The following SLC12A9 variants were observed in gnomAD, a reference collection of about 807,000 sequenced individuals.
SLC12A9 encodes the protein solute carrier family 12 member 9.
In SLC12A9, 55 loss-of-function variants were observed where a neutral mutation model predicts 66.0. The observed-to-expected ratio is 0.83, with a 90% confidence interval of 0.67 to 1.04. The LOEUF (loss-of-function observed/expected upper bound fraction) is 1.04. SLC12A9 is among the 50% of genes least tolerant of loss of function. The pLI is 0.00. For synonymous variants in SLC12A9, 577 were observed against 569.0 expected, an observed-to-expected ratio of 1.01 and a Z score of -0.20; for missense variants, 1,061 against 1,241.9, an observed-to-expected ratio of 0.85 and a Z score of 2.19.
chr7:100,844,695 T>C (rs1257796891), intron 1 of SLC12A9, among the ~76,000 whole-genome samples: 1 of 152,124 alleles, frequency 6.6e-6, no homozygotes, highest in South Asian at 2.1e-4. Context: ...TGTAACCCTT[T>C]AGAGCTAGTA....
chr7:100,845,167 A>G (rs1354327740), intron 1 of SLC12A9, among the ~76,000 whole-genome samples: 1 of 151,348 alleles, frequency 6.6e-6, no homozygotes, highest in African/African-American at 2.4e-5. Context: ...GTGGACTTCA[A>G]ACCACACAGA....
At chr7:100,856,508 CCTT>C (rs77862971) in intron 4 of SLC12A9, 65,566 of 179,212 alleles carry the variant, frequency 0.37, 14,532 homozygotes, top group East Asian at 0.72. Context: ...GCGCCCTGCC[CCTT>C]CTTCTTTTTT....
In SLC12A9 at chr7:100,861,871, G is replaced by A. The variant is rs374643374; in HGVS notation, c.1671G>A (p.Gly557=). 2.9e-5 allele frequency: 46 copies of A among 1,613,186 alleles called. No homozygotes were observed. Among genetic ancestry groups the A allele is most frequent in the African/African-American group, 4.0e-5 (3 of 74,896 alleles). The part of the protein sequence containing the change: ...LLRLANQLKK[G]GLYVLGHVTL... ...GGTTGGCCAACCAGCTTAAGAAGGG[G>A]GGGCTGTATGTGCTGGGCCACGTCA... Residue 557 remains glycine, a synonymous_variant, in exon 12 of 14, where the codon GGG becomes GGA. Transcript: ENST00000354161. The surrounding 1 kb of genome is among the most constrained non-coding windows in gnomAD (Gnocchi z 5.3).
intron 1 of SLC12A9, among the ~76,000 whole-genome samples, chr7:100,836,870 GGGTGGGGGTGA>G (rs932502647): frequency 1.3e-5 from 2 of 151,556 alleles, no homozygotes; most frequent in African/African-American, 4.9e-5. Flanking sequence ...GGGTGGGGGA[GGGTGGGGGTGA>G]GGTGGGCGGA....
At chr7:100,827,095 C>G in intron 1 of SLC12A9, 2 of 1,524,096 alleles carry the variant, frequency 1.3e-6, no homozygotes, top group Non-Finnish European at 1.8e-6. Context: ...CCAGGTCTGA[C>G]TCTCCCTGGG....
chr7:100,862,772 C>G lies in SLC12A9; in HGVS notation c.1803C>G (p.Thr601=). ...AGGTGAAGGCTTTTGTGGATCTAAC[C>G]CTCTCACCCTCCGTGCGCCAGGGGG... is the stretch of plus-strand genomic sequence containing the variant. The part of the protein sequence containing the change: ...RAQVKAFVDL[T]LSPSVRQGAQ... Residue 601 remains threonine (T), a synonymous_variant, in exon 13 of 14, where the codon ACC becomes ACG. Coordinates refer to ENST00000354161, the MANE Select transcript of SLC12A9 (RefSeq NM_020246.4). The G allele has an allele frequency of 6.2e-7, 1 of 1,614,182 alleles. No individual in the cohort carries two copies. Among genetic ancestry groups the G allele is most frequent in the East Asian group, 2.2e-5 (1 of 44,878 alleles).
rs563008890 is a variant in SLC12A9, at chr7:100,837,808, G to C, written n.228+10761G>C. 4.6e-5 allele frequency among the ~76,000 whole-genome samples: 7 copies of C among 150,838 alleles called. No individual in the cohort carries two copies. The East Asian group carries it at 1.4e-3, about 29-fold the overall frequency. On this transcript the variant is annotated intron_variant and non_coding_transcript_variant, in intron 1 of 1. Transcript: ENST00000461016. ...CAAAGTGTTGGGATTATAAACCTGA[G>C]CCAATTTTATTTCATCTATTTATTT...
intron 1 of SLC12A9, among the ~76,000 whole-genome samples, chr7:100,845,272 A>G (rs183054064): frequency 2.0e-5 from 3 of 149,646 alleles, no homozygotes; most frequent in African/African-American, 7.4e-5. Context: ...GCTATACTAG[A>G]TATGTGGACA....
chr7:100,846,056 T>C (rs1011752113), intron 1 of SLC12A9, among the ~76,000 whole-genome samples: 6 of 152,124 alleles, frequency 3.9e-5, no homozygotes, highest in Non-Finnish European at 5.9e-5. Flanking sequence ...TGCCTACACA[T>C]AGATAATCAA....
At chr7:100,864,662 G>A (rs983698395) in intron 13 of SLC12A9, among the ~76,000 whole-genome samples, 1 of 152,180 alleles carries the variant, frequency 6.6e-6, no homozygotes, top group Admixed American at 6.5e-5. Flanking sequence ...CTCTCACGCT[G>A]GATGGAGGCG....
intron 1 of SLC12A9, among the ~76,000 whole-genome samples, chr7:100,844,337 A>AC (rs1287762586): frequency 6.6e-6 from 1 of 152,206 alleles, no homozygotes; most frequent in African/African-American, 2.4e-5. Flanking sequence ...TCCCATGACC[A>AC]CAGTTTTTAA....
intron 1 of SLC12A9, among the ~76,000 whole-genome samples, chr7:100,830,644 T>G (rs553647728): frequency 6.6e-6 from 1 of 152,050 alleles, no homozygotes; most frequent in Admixed American, 6.6e-5. Context: ...AAATCTTTAC[T>G]GAGCATCTAC....
chr7:100,843,317 G>C (rs557390294), intron 1 of SLC12A9, among the ~76,000 whole-genome samples: 123 of 152,322 alleles, frequency 8.1e-4, no homozygotes, highest in African/African-American at 2.8e-3. Flanking sequence ...TCAATTTAAA[G>C]CTTGAAATCA....
At chr7:100,833,652 T>C (rs1343713834) in intron 1 of SLC12A9, among the ~76,000 whole-genome samples, 1 of 149,472 alleles carries the variant, frequency 6.7e-6, no homozygotes, top group Non-Finnish European at 1.5e-5. Flanking sequence ...AAAGAAAAAA[T>C]AGCTGGGTGT....
intron 1 of SLC12A9, among the ~76,000 whole-genome samples, chr7:100,842,944 G>A (rs1224312358): frequency 6.6e-6 from 1 of 152,244 alleles, no homozygotes; most frequent in Non-Finnish European, 1.5e-5. Context: ...GGGCCATCCA[G>A]CTTCCGTCTC....
upstream of SLC12A9, among the ~76,000 whole-genome samples, chr7:100,850,998 G>A (rs997511823): frequency 6.6e-6 from 1 of 151,976 alleles, no homozygotes; most frequent in Non-Finnish European, 1.5e-5. Flanking sequence ...GATTACAGGC[G>A]TGAGCCACCG....
rs1352144857 is a variant in SLC12A9 at position 100,866,980 on chromosome 7, T to C, written c.*375T>C. ...TCGTTCTGTTTTATTTTTCTAACTC[T>C]GCTGACCATGAATAAAAGACCAAAA... On this transcript the variant is annotated 3_prime_UTR_variant, in exon 14 of 14. Transcript: ENST00000354161. This position sits in a 1 kb window ranked among gnomAD's most constrained non-coding sequence, Gnocchi z 7.3. The C allele has an allele frequency of 4.5e-6, 1 of 220,144 alleles. No individual in the cohort carries two copies. Among genetic ancestry groups the C allele is most frequent in the African/African-American group, 2.3e-5 (1 of 43,654 alleles). The allele number at this position is 220,144 out of a possible 1,614,324, so 13.6% of individuals were successfully genotyped here. A position where few individuals can be genotyped will look rare whatever the true frequency, so the allele number is the denominator to read the frequency against.
intron 12 of SLC12A9, among the ~76,000 whole-genome samples, chr7:100,862,163 G>A (rs1814798157): frequency 6.6e-6 from 1 of 151,974 alleles, no homozygotes; most frequent in African/African-American, 2.4e-5. Context: ...CACCATGTTG[G>A]CCAAGCTAGT....
intron 1 of SLC12A9, among the ~76,000 whole-genome samples, chr7:100,829,871 T>TA (rs1392932460): frequency 6.8e-6 from 1 of 147,704 alleles, no homozygotes; most frequent in East Asian, 2.0e-4. Context: ...CTACTAAAAA[T>TA]ACAAAAATCA....
Sources: gnomAD v4.1 joint callset for allele counts (sites outside exome capture counted in the v4.1 genomes callset) on GRCh38, gnomAD v4.1.1 for gene constraint, Gnocchi (gnomAD v3.1) non-coding constraint, MANE v1.5 for transcripts, NCBI Gene and HGNC (gene_info 2026-07-23, HGNC 2026-07-21) for gene names.